The following SPATA6 variants were observed in gnomAD, a reference collection of about 807,000 sequenced individuals.
SPATA6 encodes spermatogenesis associated 6, also known as spermatogenesis-associated protein 6.
A neutral mutation model predicts 65.3 loss-of-function variants in SPATA6; 56 were observed. The observed-to-expected ratio is 0.86, with a 90% confidence interval of 0.69 to 1.07. The LOEUF (loss-of-function observed/expected upper bound fraction) is 1.07, where lower values mean the gene tolerates loss of function less well. Ranked by LOEUF, SPATA6 falls within the 50% of genes least tolerant of loss-of-function variation. The probability of loss-of-function intolerance (pLI) is 0.00; values close to 1 mark genes in which losing one functional copy is unlikely to be tolerated. For synonymous variants in SPATA6, 199 were observed against 213.2 expected (o/e 0.93, Z 0.58); for missense variants, 590 against 594.8 (o/e 0.99, Z 0.08).
intron 12 of SPATA6, among the ~76,000 whole-genome samples, chr1:48,300,259 T>C (rs916751707): frequency 6.6e-6 from 1 of 152,218 alleles, no homozygotes; most frequent in Non-Finnish European, 1.5e-5. Context: ...ATATAAATAA[T>C]TGACCTTCTT....
chr1:48,338,272 G>A, intron 11 of SPATA6, among the ~76,000 whole-genome samples: 1 of 151,972 alleles, frequency 6.6e-6, no homozygotes. Context: ...CATTTGACAA[G>A]CAATGCTTCT....
At chr1:48,388,643 T>G (rs1437472986) in intron 8 of SPATA6, among the ~76,000 whole-genome samples, 1 of 149,744 alleles carries the variant, frequency 6.7e-6, no homozygotes, top group Non-Finnish European at 1.5e-5. Context: ...GAGATATATA[T>G]CACAAAAAAA....
chr1:48,343,774 G>A (rs1646285061), intron 11 of SPATA6, among the ~76,000 whole-genome samples: 2 of 152,194 alleles, frequency 1.3e-5, no homozygotes, highest in East Asian at 1.9e-4. Context: ...AAATACAAAA[G>A]CAGGGGTTGG....
At chr1:48,417,991 T>C (rs1232470062) in intron 3 of SPATA6, among the ~76,000 whole-genome samples, 1 of 152,188 alleles carries the variant, frequency 6.6e-6, no homozygotes, top group African/African-American at 2.4e-5. Context: ...GGATTCTGAT[T>C]ATATAGTTAC....
intron 8 of SPATA6, among the ~76,000 whole-genome samples, chr1:48,387,716 C>T (rs1199050091): frequency 2.0e-5 from 3 of 152,136 alleles, no homozygotes; most frequent in Admixed American, 2.0e-4. Flanking sequence ...ACTGCCCAGC[C>T]CAGTCCACCA....
At chr1:48,286,434 G>A in the SPATA6 span, among the ~76,000 whole-genome samples, 1 of 152,084 alleles carries the variant, frequency 6.6e-6, no homozygotes, top group Non-Finnish European at 1.5e-5. Flanking sequence ...TAATGTAAAT[G>A]GGATTGCTTT....
At chr1:48,452,805 A>G (rs1164519338) in intron 2 of SPATA6, among the ~76,000 whole-genome samples, 189 bp downstream of exon 2, 1 of 152,258 alleles carries the variant, frequency 6.6e-6, no homozygotes, top group Non-Finnish European at 1.5e-5. Context: ...ATCAAGGGAA[A>G]AAAGGCAACT....
chr1:48,429,638 A>C (rs1654217373), intron 3 of SPATA6, among the ~76,000 whole-genome samples: 2 of 152,170 alleles, frequency 1.3e-5, no homozygotes, highest in Non-Finnish European at 2.9e-5. Context: ...GGAAGAAAAT[A>C]AATCGGCAGA....
intron 11 of SPATA6, among the ~76,000 whole-genome samples, chr1:48,323,721 G>A (rs1375154961): frequency 4.0e-5 from 6 of 150,736 alleles, no homozygotes; most frequent in African/African-American, 1.2e-4. Context: ...AGGATACTAC[G>A]AGCGTCTGTA....
chr1:48,312,445 A>G (rs2148670385), intron 11 of SPATA6, among the ~76,000 whole-genome samples: 1 of 152,290 alleles, frequency 6.6e-6, no homozygotes, highest in Non-Finnish European at 1.5e-5. Flanking sequence ...AGGGTCTGGA[A>G]TGGACCTCCA....
intron 3 of SPATA6, among the ~76,000 whole-genome samples, chr1:48,441,620 C>A (rs1655488437): frequency 6.6e-6 from 1 of 152,038 alleles, no homozygotes; most frequent in African/African-American, 2.4e-5. Context: ...TAAGCCTTCC[C>A]ATAGGACAAA....
At chr1:48,443,104 G>T (rs1052053523) in intron 3 of SPATA6, among the ~76,000 whole-genome samples, 7 of 152,186 alleles carry the variant, frequency 4.6e-5, no homozygotes, top group African/African-American at 7.2e-5. Context: ...CAATTGGTCT[G>T]CTCCAACGTG....
chr1:48,371,551 C>T (rs114672491), intron 9 of SPATA6, among the ~76,000 whole-genome samples: 3,579 of 152,210 alleles, frequency 0.024, 39 homozygotes, highest in South Asian at 0.06. Context: ...ACATCATAAA[C>T]GTTCATTTTT....
chr1:48,467,579 A>G (rs968265855), intron 1 of SPATA6, among the ~76,000 whole-genome samples: 4 of 152,190 alleles, frequency 2.6e-5, no homozygotes, highest in African/African-American at 7.2e-5. Context: ...ACCATCAACA[A>G]GAGAATGGAT....
At chr1:48,466,906 G>A (rs945255728) in intron 1 of SPATA6, among the ~76,000 whole-genome samples, 7 of 151,838 alleles carry the variant, frequency 4.6e-5, no homozygotes, top group Non-Finnish European at 8.8e-5. Flanking sequence ...ATCCCAAATT[G>A]ACACTATTAC....
intron 12 of SPATA6, among the ~76,000 whole-genome samples, chr1:48,299,420 A>G (rs1644877457): frequency 6.7e-6 from 1 of 149,792 alleles, no homozygotes; most frequent in Non-Finnish European, 1.5e-5. Context: ...AGGCTGAGGA[A>G]GAAGAATCAC....
intron 9 of SPATA6, among the ~76,000 whole-genome samples, chr1:48,378,150 T>C (rs1366847909): frequency 1.3e-5 from 2 of 152,214 alleles, no homozygotes; most frequent in Non-Finnish European, 2.9e-5. Flanking sequence ...GGCTTACTGG[T>C]ATATCAAATA....
At chr1:48,283,611 G>A in the SPATA6 span, among the ~76,000 whole-genome samples, 8 of 145,934 alleles carry the variant, frequency 5.5e-5, no homozygotes, top group East Asian at 8.1e-4. Flanking sequence ...CCAGGGAGTC[G>A]GAGTTTGCAG....
intron 3 of SPATA6, among the ~76,000 whole-genome samples, chr1:48,427,815 T>C (rs1214631848): frequency 6.6e-6 from 1 of 152,160 alleles, no homozygotes; most frequent in Non-Finnish European, 1.5e-5. Flanking sequence ...CATAATTCCA[T>C]TGCCCAGGTA....
Sources: gnomAD v4.1 joint callset for allele counts (sites outside exome capture counted in the v4.1 genomes callset) on GRCh38, gnomAD v4.1.1 for gene constraint, MANE v1.5 for transcripts, NCBI Gene and HGNC (gene_info 2026-07-23, HGNC 2026-07-21) for gene names.